The following CCDC192 variants were observed in gnomAD, a reference collection of about 807,000 sequenced individuals.
The protein encoded by CCDC192 is coiled-coil domain containing 192, also known as coiled-coil domain-containing protein 192.
At chr5:127,893,479 G>GTTC (rs1367004441) in intron 6 of CCDC192, among the ~76,000 whole-genome samples, 1 of 152,176 alleles carries the variant, frequency 6.6e-6, no homozygotes, top group African/African-American at 2.4e-5. Flanking sequence ...GTCCAAGTGT[G>GTTC]TTCTCACTAT....
At chr5:127,738,729 C>T (rs906900423) in intron 2 of CCDC192, among the ~76,000 whole-genome samples, 7 of 152,188 alleles carry the variant, frequency 4.6e-5, no homozygotes, top group African/African-American at 1.7e-4. Flanking sequence ...ACATCAGCTC[C>T]TGAGGCTTCT....
At chr5:127,786,257 C>G (rs1420279097) in intron 3 of CCDC192, 2 of 673,852 alleles carry the variant, frequency 3.0e-6, no homozygotes, top group East Asian at 5.1e-5. Flanking sequence ...ACACAAGCCT[C>G]TGCCTTATTC....
chr5:127,857,280 G>A lies in CCDC192; in HGVS notation c.412-18258G>A, dbSNP rs778623617. On this transcript the variant is annotated intron_variant, in intron 5 of 6. Transcript: ENST00000514853. ...TATAGTCCTTCCAGTTGTAAGCTGA[G>A]AACTGGGACTCATCCTGAATACCTC... Among the ~76,000 whole-genome samples, 18 of 152,184 alleles carry A rather than the reference G, an allele frequency of 1.2e-4. 1 individual carries two copies. The South Asian group carries it at 3.3e-3, about 28-fold the overall frequency.
At position 127,730,791 on chromosome 5, in the gene CCDC192, G is replaced by GA. The variant is rs1752599021; in HGVS notation, c.114+23035dup. On this transcript the variant is annotated intron_variant, in intron 2 of 6. Coordinates refer to ENST00000514853, the MANE Select transcript of CCDC192 (RefSeq NM_001317938.2). ...CTACATGATTACCTCAATAGAAGCA[G>GA]AAAAGGCCTTCAATAAATTTCAACA... Among the ~76,000 whole-genome samples, 4 of 152,090 alleles carry GA rather than the reference G, an allele frequency of 2.6e-5. No homozygotes were observed. The South Asian group carries it at 8.3e-4, about 32-fold the overall frequency.
Position 127,728,009 on chromosome 5 carries a change from GAATA to G in CCDC192, c.114+20252_114+20255del, listed in dbSNP as rs1383049017. On this transcript the variant is annotated intron_variant, in intron 2 of 6. Transcript: ENST00000514853. Reference sequence around the variant, plus strand: ...AGATTAGAGAAAAATGAATGAAAAGGAATAAACAAAACCTCTGAGGACTATGGGA... The same window carrying G: ...AGATTAGAGAAAAATGAATGAAAAGGAACAAAACCTCTGAGGACTATGGGA... Among the ~76,000 whole-genome samples the G allele has an allele frequency of 1.3e-4, 20 of 152,178 alleles. No individual in the cohort carries two copies. In the East Asian group the frequency reaches 3.3e-3, roughly 25 times the overall value.
intron 5 of CCDC192, among the ~76,000 whole-genome samples, chr5:127,844,487 G>A (rs1283232752): frequency 1.3e-5 from 2 of 152,138 alleles, no homozygotes; most frequent in African/African-American, 4.8e-5. Flanking sequence ...ACAGATTCAG[G>A]GTTTGGTTTA....
In CCDC192 at chr5:127,800,355, T is replaced by C. The variant is rs890588640; in HGVS notation, c.411+2193T>C. 8.3e-5 allele frequency among the ~76,000 whole-genome samples: 6 copies of C among 72,204 alleles called. No homozygotes were observed. The East Asian group carries it at 1.9e-3, about 23-fold the overall frequency. 47.4% of individuals were successfully genotyped at this position (72,204 alleles called of 152,430 possible). A position where few individuals can be genotyped will look rare whatever the true frequency, so the allele number is the denominator to read the frequency against. ...CATTGTCCCTGAAAAAAACATTCCA[T>C]AGGATGCTAAGAGGTATTCTGAAAA... On this transcript the variant is annotated intron_variant, in intron 5 of 6. Coordinates refer to ENST00000514853, the MANE Select transcript of CCDC192 (RefSeq NM_001317938.2).
At chr5:127,928,250 G>C (rs1753919919) in intron 6 of CCDC192, among the ~76,000 whole-genome samples, 1 of 152,188 alleles carries the variant, frequency 6.6e-6, no homozygotes, top group South Asian at 2.1e-4. Context: ...ATAGATGGAG[G>C]TCAAAAGTCC....
chr5:127,719,370 G>A (rs1751825843), intron 2 of CCDC192, among the ~76,000 whole-genome samples: 1 of 150,246 alleles, frequency 6.7e-6, no homozygotes, highest in Admixed American at 6.7e-5. Flanking sequence ...GGGAGTGCAT[G>A]TATCTCTTCA....
intron 6 of CCDC192, among the ~76,000 whole-genome samples, chr5:127,930,361 T>C (rs1170165585): frequency 6.6e-6 from 1 of 152,248 alleles, no homozygotes; most frequent in East Asian, 1.9e-4. Context: ...ATCTATTGTC[T>C]TCTATCTTTC....
chr5:127,850,276 G>A (rs1365861849), intron 5 of CCDC192, among the ~76,000 whole-genome samples: 1 of 152,094 alleles, frequency 6.6e-6, no homozygotes, highest in Admixed American at 6.6e-5. Flanking sequence ...GTCTAACTGA[G>A]CTCCTTGACT....
intron 5 of CCDC192, among the ~76,000 whole-genome samples, chr5:127,856,722 G>T (rs1751115426): frequency 6.6e-6 from 1 of 152,168 alleles, no homozygotes; most frequent in African/African-American, 2.4e-5. Context: ...TTGTGTCTCA[G>T]GGAATAGGGA....
intron 5 of CCDC192, among the ~76,000 whole-genome samples, chr5:127,813,839 A>T (rs535289612): frequency 6.6e-6 from 1 of 152,294 alleles, no homozygotes; most frequent in South Asian, 2.1e-4. Context: ...TCCATTAAAA[A>T]CTCATGACAA....
chr5:127,877,849 T>G (rs1752144807), intron 6 of CCDC192, among the ~76,000 whole-genome samples: 1 of 152,220 alleles, frequency 6.6e-6, no homozygotes, highest in South Asian at 2.1e-4. Flanking sequence ...TGTAAAATGT[T>G]TGTTTTGGGT....
rs1172303298 is a variant in CCDC192 at position 127,737,831 on chromosome 5, C to T, written c.115-16437C>T. Among the ~76,000 whole-genome samples, 11 of 152,112 alleles carry T rather than the reference C, an allele frequency of 7.2e-5. 1 individual carries two copies. The highest frequency in any genetic ancestry group is 1.9e-4 in the African/African-American group (8 of 41,444). ...TTTTGAGCCTATGTGTGACTCTGCA[C>T]GTGAGATGGGTTTCCTGAATACAGC... On this transcript the variant is annotated intron_variant, in intron 2 of 6. Transcript: ENST00000514853.
intron 2 of CCDC192, among the ~76,000 whole-genome samples, chr5:127,747,506 T>C (rs1217948287): frequency 6.6e-6 from 1 of 152,194 alleles, no homozygotes; most frequent in Admixed American, 6.5e-5. Context: ...CAGTCTGTCA[T>C]TGTTGGGCAT....
intron 3 of CCDC192, among the ~76,000 whole-genome samples, chr5:127,791,956 A>T (rs1017932213): frequency 6.6e-6 from 1 of 152,328 alleles, no homozygotes; most frequent in Non-Finnish European, 1.5e-5. Flanking sequence ...TAGTAAGGAA[A>T]ATCAGGAGAA....
rs566933779 is a variant in CCDC192 at position 127,745,829 on chromosome 5, C to T, written c.115-8439C>T. On this transcript the variant is annotated intron_variant, in intron 2 of 6. Coordinates refer to ENST00000514853, the MANE Select transcript of CCDC192 (RefSeq NM_001317938.2). ...TTAATACAAATTGCATGTGTCCACACGTACCTGGAAGTAAAATAAAATTAA... is the reference window on the plus strand; with the variant it reads ...TTAATACAAATTGCATGTGTCCACATGTACCTGGAAGTAAAATAAAATTAA... 3.9e-5 allele frequency among the ~76,000 whole-genome samples: 6 copies of T among 152,300 alleles called. 1 individual carries two copies. The South Asian group carries it at 1.0e-3, about 26-fold the overall frequency.
At chr5:127,731,289 C>T (rs190961327) in intron 2 of CCDC192, among the ~76,000 whole-genome samples, 10 of 152,056 alleles carry the variant, frequency 6.6e-5, no homozygotes, top group Admixed American at 6.5e-4. Flanking sequence ...AATAAAACAC[C>T]TGGGAATACA....
Sources: gnomAD v4.1 joint callset for allele counts (sites outside exome capture counted in the v4.1 genomes callset) on GRCh38, gnomAD v4.1.1 for gene constraint, MANE v1.5 for transcripts, NCBI Gene and HGNC (gene_info 2026-07-23, HGNC 2026-07-21) for gene names.